IL1RAPL2: variants seen among roughly 807,000 people sequenced by gnomAD.
IL1RAPL2 encodes X-linked interleukin-1 receptor accessory protein-like 2.
In IL1RAPL2, 3 loss-of-function variants were observed where a neutral mutation model predicts 44.1. The observed-to-expected ratio is 0.07, with a 90% CI of 0.03 to 0.18. The LOEUF (loss-of-function observed/expected upper bound fraction) is 0.18, where lower values mean the gene tolerates loss of function less well. Among genes scored for constraint, IL1RAPL2 ranks in the 10% least tolerant of loss-of-function variants. IL1RAPL2 has a pLI of 1.00. For synonymous variants in IL1RAPL2, 181 were observed against 178.8 expected (o/e 1.01, Z -0.10); for missense variants, 391 against 496.4 (o/e 0.79, Z 2.02).
intron 5 of IL1RAPL2, among the ~76,000 whole-genome samples, chrX:105,290,256 C>T (rs1172900565): frequency 9.0e-6 from 1 of 111,309 alleles, no homozygotes; most frequent in African/African-American, 3.3e-5. Flanking sequence ...TGGTCTCTGC[C>T]TTTAGGGGAT....
chrX:105,128,652 C>A (rs1049387278), intron 2 of IL1RAPL2, among the ~76,000 whole-genome samples: 17 of 110,663 alleles, frequency 1.5e-4, no homozygotes, highest in African/African-American at 5.2e-4. Context: ...TATTATTGAC[C>A]CACCGTGTTC....
intron 3 of IL1RAPL2, among the ~76,000 whole-genome samples, chrX:105,232,759 T>C (rs2392688): frequency 0.17 from 18,979 of 111,735 alleles, 3,195 homozygotes; most frequent in African/African-American, 0.52. Context: ...TGAGAAAGTG[T>C]TAACCAAAGT....
intron 2 of IL1RAPL2, among the ~76,000 whole-genome samples, chrX:104,796,772 T>C: frequency 9.0e-6 from 1 of 110,827 alleles, no homozygotes; most frequent in Non-Finnish European, 1.9e-5. Context: ...TTTTTGTTTG[T>C]TTGTTTGTTT....
intron 2 of IL1RAPL2, among the ~76,000 whole-genome samples, chrX:104,883,645 T>A: frequency 9.0e-6 from 1 of 111,393 alleles, no homozygotes; most frequent in East Asian, 2.8e-4. Context: ...ACTCCCTATC[T>A]CTGGTGCTTT....
chrX:105,354,155 T>C (rs1470026522), intron 5 of IL1RAPL2, among the ~76,000 whole-genome samples: 1 of 111,287 alleles, frequency 9.0e-6, no homozygotes, highest in South Asian at 3.8e-4. Flanking sequence ...TTACTGGGTA[T>C]ATACCCAAAG....
chrX:105,100,834 A>C, intron 2 of IL1RAPL2, among the ~76,000 whole-genome samples: 1 of 112,491 alleles, frequency 8.9e-6, no homozygotes, highest in African/African-American at 3.2e-5. Flanking sequence ...GCCTGAAGGC[A>C]GGGGACCTGG....
At chrX:105,628,658 C>T (rs938608133) in intron 6 of IL1RAPL2, among the ~76,000 whole-genome samples, 2 of 111,793 alleles carry the variant, frequency 1.8e-5, no homozygotes, top group Non-Finnish European at 3.8e-5. Context: ...CAGGGGACCA[C>T]GCATGGTGGC....
intron 3 of IL1RAPL2, among the ~76,000 whole-genome samples, chrX:105,221,514 G>A (rs1055140455): frequency 3.6e-5 from 4 of 111,393 alleles, no homozygotes; most frequent in Non-Finnish European, 3.8e-5. Flanking sequence ...AATTTTTATA[G>A]GCTGAGTTTG....
At chrX:105,277,158 T>G (rs1435728701) in intron 5 of IL1RAPL2, among the ~76,000 whole-genome samples, 1 of 112,097 alleles carries the variant, frequency 8.9e-6, no homozygotes, top group Admixed American at 9.4e-5. Flanking sequence ...GCATATGTTC[T>G]CTCTCCTCCA....
intron 6 of IL1RAPL2, among the ~76,000 whole-genome samples, chrX:105,526,925 G>A (rs1191782058): frequency 3.6e-5 from 4 of 111,312 alleles, no homozygotes; most frequent in Admixed American, 9.6e-5. Context: ...TTTATACTAT[G>A]GATTATCTTG....
chrX:105,166,695 G>A (rs374135282), intron 2 of IL1RAPL2, among the ~76,000 whole-genome samples: 2 of 112,373 alleles, frequency 1.8e-5, no homozygotes, highest in African/African-American at 6.5e-5. Flanking sequence ...GCTCCATCCT[G>A]CTCATTCTGG....
intron 1 of IL1RAPL2, among the ~76,000 whole-genome samples, chrX:104,599,854 G>A (rs1251658628): frequency 9.0e-6 from 1 of 111,351 alleles, no homozygotes; most frequent in Non-Finnish European, 1.9e-5. Context: ...CCCTTTGTGA[G>A]ATGTGAGTTT....
intron 2 of IL1RAPL2, among the ~76,000 whole-genome samples, chrX:104,780,555 G>A (rs907176093): frequency 8.0e-5 from 9 of 112,014 alleles, no homozygotes; most frequent in African/African-American, 2.3e-4. Flanking sequence ...GTGTATTTTT[G>A]TTGCAGGATT....
rs775213789 is a variant in IL1RAPL2, at chrX:105,755,350, A to G, written c.1363+3A>G. 2.6e-5 allele frequency: 30 copies of G among 1,171,857 alleles called. No homozygotes were observed. Among genetic ancestry groups the G allele is most frequent in the Non-Finnish European group, 4.6e-6 (4 of 868,196 alleles). On this transcript the variant is annotated splice_donor_region_variant and intron_variant, in intron 10 of 10. Transcript: ENST00000372582. ...AAGAGACCTGATTCCAAGTGGAAGT[A>G]AGTACTTTCAAATTTTGTGTTTAAA...
chrX:105,659,468 T>A, intron 6 of IL1RAPL2, among the ~76,000 whole-genome samples: 1 of 108,885 alleles, frequency 9.2e-6, no homozygotes, highest in Non-Finnish European at 1.9e-5. Flanking sequence ...CCATCCTGGC[T>A]AAAACGGTGA....
intron 2 of IL1RAPL2, among the ~76,000 whole-genome samples, chrX:104,848,659 A>C (rs368605515): frequency 9.2e-6 from 1 of 108,240 alleles, no homozygotes; most frequent in East Asian, 2.9e-4. Context: ...ATTAATTAGA[A>C]TTTTTAACTT....
chrX:105,379,389 G>T (rs2035412303), intron 5 of IL1RAPL2, among the ~76,000 whole-genome samples: 1 of 111,877 alleles, frequency 8.9e-6, no homozygotes, highest in Non-Finnish European at 1.9e-5. Context: ...ATTTTTATCA[G>T]TCTGTTTCCG....
At chrX:105,075,720 G>T (rs60283655) in intron 2 of IL1RAPL2, among the ~76,000 whole-genome samples, 1,178 of 111,739 alleles carry the variant, frequency 0.011, 23 homozygotes, top group African/African-American at 0.035. Flanking sequence ...CAATTTCAGA[G>T]CCTGTTATTG....
chrX:104,658,187 G>A (rs927828421), intron 1 of IL1RAPL2, among the ~76,000 whole-genome samples: 3 of 111,977 alleles, frequency 2.7e-5, no homozygotes, highest in Non-Finnish European at 5.6e-5. Flanking sequence ...TCATGGCACT[G>A]TTCACAATAG....
Sources: gnomAD v4.1 joint callset for allele counts (sites outside exome capture counted in the v4.1 genomes callset) on GRCh38, gnomAD v4.1.1 for gene constraint, MANE v1.5 for transcripts, NCBI Gene and HGNC (gene_info 2026-07-23, HGNC 2026-07-21) for gene names.